FOXJ3: variants seen among roughly 807,000 people sequenced by gnomAD.
FOXJ3 encodes the protein forkhead box J3, also known as forkhead box protein J3.
Under a neutral mutation model 76.1 loss-of-function variants are expected in FOXJ3, and 22 were observed. That is an observed-to-expected ratio of 0.29 (90% confidence interval 0.21 to 0.41). The LOEUF is 0.41. Ranked by LOEUF, FOXJ3 falls within the 10% of genes least tolerant of loss-of-function variation. The pLI, the probability that FOXJ3 is intolerant of heterozygous loss-of-function variation, is 1.00. For missense variants in FOXJ3, 613 were observed against 762.1 expected (o/e 0.80, Z 2.30); for synonymous variants, 269 against 261.2 (o/e 1.03, Z -0.29).
intron 2 of FOXJ3, among the ~76,000 whole-genome samples, chr1:42,302,831 C>T (rs2124736777): frequency 6.6e-6 from 1 of 151,706 alleles, no homozygotes; most frequent in Admixed American, 6.6e-5. Context: ...CAGTGATGTT[C>T]TTTATTCCCT....
At chr1:42,188,125 G>A (rs1646473732) in intron 11 of FOXJ3, among the ~76,000 whole-genome samples, 1 of 152,160 alleles carries the variant, frequency 6.6e-6, no homozygotes, top group East Asian at 1.9e-4. Context: ...GATGATAAGA[G>A]AAGGTAAGGA....
intron 1 of FOXJ3, among the ~76,000 whole-genome samples, chr1:42,318,492 C>A (rs972572056): frequency 6.6e-6 from 1 of 152,146 alleles, no homozygotes; most frequent in South Asian, 2.1e-4. Context: ...CAGGCATGCA[C>A]CACCATGTCT....
At chr1:42,242,092 G>A (rs945271820) in intron 4 of FOXJ3, among the ~76,000 whole-genome samples, 11 of 151,962 alleles carry the variant, frequency 7.2e-5, no homozygotes, top group African/African-American at 2.2e-4. Flanking sequence ...TGTGACAGAC[G>A]TCTCATAGAT....
chr1:42,311,387 TAAA>T (rs768059627), intron 1 of FOXJ3, among the ~76,000 whole-genome samples: 1 of 152,108 alleles, frequency 6.6e-6, no homozygotes, highest in Non-Finnish European at 1.5e-5. Flanking sequence ...CTGTAACATC[TAAA>T]GAAGCTGAGA....
In FOXJ3 at chr1:42,237,855, T is replaced by A. The variant is rs1347224939; in HGVS notation, c.445-9889A>T. 4.6e-5 allele frequency among the ~76,000 whole-genome samples: 7 copies of A among 151,764 alleles called. No individual in the cohort carries two copies. The South Asian group carries it at 6.2e-4, about 14-fold the overall frequency. On this transcript the variant is annotated intron_variant, in intron 4 of 12. Coordinates refer to ENST00000361346, the MANE Select transcript of FOXJ3 (RefSeq NM_014947.5). ...TTTTTGTTCACTCAGATATACAGCA[T>A]CATTTAAAATATTGTAACATTTCCC...
chr1:42,312,792 C>T (rs2124760985), intron 1 of FOXJ3, among the ~76,000 whole-genome samples: 1 of 152,354 alleles, frequency 6.6e-6, no homozygotes, highest in Admixed American at 6.5e-5. Flanking sequence ...CAACAACGTT[C>T]AGATCTTAAC....
At chr1:42,278,100 G>A (rs1434107117) in intron 3 of FOXJ3, among the ~76,000 whole-genome samples, 1 of 151,912 alleles carries the variant, frequency 6.6e-6, no homozygotes, top group East Asian at 1.9e-4. Flanking sequence ...GGTTTCCAGT[G>A]AACGCTACAT....
intron 4 of FOXJ3, among the ~76,000 whole-genome samples, chr1:42,242,403 G>A (rs926725633): frequency 2.6e-5 from 4 of 151,540 alleles, no homozygotes; most frequent in African/African-American, 7.3e-5. Context: ...AATTCACCAG[G>A]GACAGATATC....
At chr1:42,214,482 T>C (rs1347840011) in intron 5 of FOXJ3, among the ~76,000 whole-genome samples, 1 of 152,060 alleles carries the variant, frequency 6.6e-6, no homozygotes, top group Admixed American at 6.6e-5. Flanking sequence ...CTTTCTGGAG[T>C]TCCCTAATCA....
At chr1:42,200,945 C>T (rs1296978052) in intron 6 of FOXJ3, among the ~76,000 whole-genome samples, 2 of 152,164 alleles carry the variant, frequency 1.3e-5, no homozygotes, top group African/African-American at 2.4e-5. Flanking sequence ...TTACAGTAGT[C>T]TTCTGCATGA....
intron 2 of FOXJ3, among the ~76,000 whole-genome samples, chr1:42,295,771 G>A (rs1456343344): frequency 1.3e-5 from 2 of 152,034 alleles, no homozygotes; most frequent in African/African-American, 4.8e-5. Flanking sequence ...CAGGTGATCC[G>A]CTGCCTTGGC....
At chr1:42,320,587 T>C (rs910320350) in intron 1 of FOXJ3, among the ~76,000 whole-genome samples, 1 of 152,184 alleles carries the variant, frequency 6.6e-6, no homozygotes, top group African/African-American at 2.4e-5. Context: ...TGAAATTAGA[T>C]CACATTATAT....
chr1:42,234,492 C>T (rs1248254092), intron 4 of FOXJ3, among the ~76,000 whole-genome samples: 1 of 152,112 alleles, frequency 6.6e-6, no homozygotes. Flanking sequence ...TTTAGAGTTT[C>T]CAGTTTTTCT....
chr1:42,254,279 C>G (rs940365471), intron 4 of FOXJ3, among the ~76,000 whole-genome samples: 1 of 148,466 alleles, frequency 6.7e-6, no homozygotes, highest in African/African-American at 2.5e-5. Context: ...CATCTCACAC[C>G]AGTTAGAATG....
chr1:42,228,821 G>A (rs142874092), intron 4 of FOXJ3, among the ~76,000 whole-genome samples: 7 of 152,274 alleles, frequency 4.6e-5, no homozygotes, highest in African/African-American at 1.7e-4. Flanking sequence ...GGGAAAGAGG[G>A]AAGGGAGGAA....
chr1:42,303,805 C>T (rs902262608), intron 2 of FOXJ3, among the ~76,000 whole-genome samples: 1 of 152,136 alleles, frequency 6.6e-6, no homozygotes, highest in African/African-American at 2.4e-5. Context: ...ATAAAATAAA[C>T]CCTCTAATAA....
intron 4 of FOXJ3, among the ~76,000 whole-genome samples, chr1:42,232,645 GT>G (rs1175263513): frequency 6.6e-6 from 1 of 151,668 alleles, no homozygotes; most frequent in Non-Finnish European, 1.5e-5. Context: ...TGATGGGGCT[GT>G]TTTTTTCTTG....
chr1:42,330,913 G>GA (rs2124797617), intron 1 of FOXJ3, among the ~76,000 whole-genome samples: 1 of 152,210 alleles, frequency 6.6e-6, no homozygotes, highest in South Asian at 2.1e-4. Flanking sequence ...GAATGTATGA[G>GA]AAAATGTATA....
At chr1:42,335,564 C>T (rs975991989), upstream of FOXJ3, 1 of 152,200 alleles carries the variant, frequency 6.6e-6, no homozygotes, top group Non-Finnish European at 1.5e-5. Context: ...TACCTGGGGC[C>T]CCATGCCCCG....
Sources: allele counts gnomAD v4.1 joint callset (sites outside exome capture counted in the v4.1 genomes callset), GRCh38; gene constraint gnomAD v4.1.1; transcripts MANE v1.5; gene names NCBI Gene and HGNC (gene_info 2026-07-23, HGNC 2026-07-21).